Variants in JAM3 observed in about 807,000 individuals in gnomAD.
JAM3 encodes junctional adhesion molecule C.
Under a neutral mutation model 39.4 loss-of-function variants are expected in JAM3, and 31 were observed. The observed-to-expected ratio is 0.79, with a 90% CI of 0.59 to 1.06. JAM3 has a LOEUF of 1.06. Among genes scored for constraint, JAM3 ranks in the 50% least tolerant of loss-of-function variants. The pLI is 0.00. For missense variants in JAM3, 455 were observed against 391.4 expected (o/e 1.16, Z -1.37); for synonymous variants, 182 against 148.7 (o/e 1.22, Z -1.63).
rs145466052 is a variant in JAM3 at position 134,110,870 on chromosome 11, A to G, written c.77-28981A>G. On this transcript the variant is annotated intron_variant, in intron 1 of 8. Coordinates refer to ENST00000299106, the MANE Select transcript of JAM3 (RefSeq NM_032801.5). ...TCAATTATACCTTGATTGTTTTTTT[A>G]AAAGTCCAAAACCAAAAAATTGGGC... 4.6e-5 allele frequency among the ~76,000 whole-genome samples: 7 copies of G among 151,944 alleles called. 1 individual carries two copies. Among genetic ancestry groups the G allele is most frequent in the African/African-American group, 1.7e-4 (7 of 41,302 alleles).
At chr11:134,131,775 G>A (rs1942774239) in intron 1 of JAM3, among the ~76,000 whole-genome samples, 1 of 152,118 alleles carries the variant, frequency 6.6e-6, no homozygotes, top group Non-Finnish European at 1.5e-5. Context: ...AACAAATTTT[G>A]GAACTGAAAA....
chr11:134,082,046 CCT>C (rs1941674636), intron 1 of JAM3, among the ~76,000 whole-genome samples: 1 of 152,170 alleles, frequency 6.6e-6, no homozygotes, highest in Non-Finnish European at 1.5e-5. Flanking sequence ...GCCTATCGCC[CCT>C]TTGTCTTGGC....
intron 1 of JAM3, among the ~76,000 whole-genome samples, chr11:134,125,881 A>G (rs1271410633): frequency 6.6e-6 from 1 of 152,182 alleles, no homozygotes; most frequent in African/African-American, 2.4e-5. Flanking sequence ...GCCTCTTCAG[A>G]AAAAGCACCC....
intron 1 of JAM3, among the ~76,000 whole-genome samples, chr11:134,100,321 G>A (rs1336288027): frequency 1.3e-5 from 2 of 152,142 alleles, no homozygotes; most frequent in African/African-American, 2.4e-5. Context: ...AGTGTTCTTT[G>A]CTGCTTTCCA....
At chr11:134,069,275 T>G (rs1272105082) in intron 1 of JAM3, 116 bp downstream of exon 1, 1 of 1,367,140 alleles carries the variant, frequency 7.3e-7, no homozygotes, top group Non-Finnish European at 1.0e-6. Flanking sequence ...CTCCGAGGGC[T>G]CCCGGGGTCC....
intron 1 of JAM3, among the ~76,000 whole-genome samples, chr11:134,122,124 A>G (rs1416800414): frequency 2.0e-5 from 3 of 152,174 alleles, no homozygotes; most frequent in African/African-American, 7.2e-5. Flanking sequence ...ACAGATTTGT[A>G]TTTAGTTAAA....
At chr11:134,099,738 C>T (rs1942041741) in intron 1 of JAM3, among the ~76,000 whole-genome samples, 1 of 152,152 alleles carries the variant, frequency 6.6e-6, no homozygotes, top group African/African-American at 2.4e-5. Context: ...TCCTGAGTAG[C>T]TGGGATTACA....
intron 1 of JAM3, among the ~76,000 whole-genome samples, chr11:134,077,833 G>A (rs1941598233): frequency 1.3e-5 from 2 of 151,756 alleles, no homozygotes; most frequent in South Asian, 2.1e-4. Flanking sequence ...TGTATTTTTA[G>A]TAGAGACAGT....
At chr11:134,106,812 C>A (rs2120707618) in intron 1 of JAM3, among the ~76,000 whole-genome samples, 1 of 152,260 alleles carries the variant, frequency 6.6e-6, no homozygotes, top group African/African-American at 2.4e-5. Flanking sequence ...GAATTGCGAT[C>A]ATTAAAAAGT....
At chr11:134,149,101 G>A (rs781148244) in intron 8 of JAM3, 45 bp from the exon 9 acceptor site, 1 of 1,612,990 alleles carries the variant, frequency 6.2e-7, no homozygotes, top group Non-Finnish European at 8.5e-7. Context: ...TTCCCTGCTT[G>A]CCACCAGGCC....
At chr11:134,104,020 T>A (rs1942131061) in intron 1 of JAM3, among the ~76,000 whole-genome samples, 1 of 152,204 alleles carries the variant, frequency 6.6e-6, no homozygotes, top group African/African-American at 2.4e-5. Flanking sequence ...AATAGACATC[T>A]ACAGAACTCT....
chr11:134,116,483 A>AT (rs553177220), intron 1 of JAM3, among the ~76,000 whole-genome samples: 4 of 151,990 alleles, frequency 2.6e-5, no homozygotes, highest in Admixed American at 2.6e-4. Flanking sequence ...TAGTATCATA[A>AT]TTTTTTTTCT....
In JAM3 at chr11:134,125,273, T is replaced by G. The variant is rs189552632; in HGVS notation, c.77-14578T>G. Among the ~76,000 whole-genome samples, 491 of 152,338 alleles carry G rather than the reference T, an allele frequency of 3.2e-3. 8 individuals are homozygous for G. Among genetic ancestry groups the G allele is most frequent in the East Asian group, 0.015 (79 of 5,188 alleles). On this transcript the variant is annotated intron_variant, in intron 1 of 8. Coordinates refer to ENST00000299106, the MANE Select transcript of JAM3 (RefSeq NM_032801.5). Reference sequence around the variant, plus strand: ...ATCTTCCCTGGAAGGAAGAGATGGCTGTGTTGAAGATGACGGTGCCAGCTG... The same window carrying G: ...ATCTTCCCTGGAAGGAAGAGATGGCGGTGTTGAAGATGACGGTGCCAGCTG...
intron 1 of JAM3, among the ~76,000 whole-genome samples, chr11:134,074,936 G>A (rs1473186671): frequency 6.6e-6 from 1 of 150,938 alleles, no homozygotes; most frequent in East Asian, 1.9e-4. Context: ...TTAGAATGAA[G>A]TGCAGCTGCC....
At chr11:134,088,305 A>AT (rs1217499027) in intron 1 of JAM3, among the ~76,000 whole-genome samples, 13 of 152,110 alleles carry the variant, frequency 8.5e-5, no homozygotes, top group African/African-American at 3.1e-4. Context: ...ACTTGCTTCC[A>AT]TTTTACCACC....
At chr11:134,139,805 C>T (rs372200694) in intron 1 of JAM3, 46 bp from the exon 2 acceptor site, 27 of 1,475,272 alleles carry the variant, frequency 1.8e-5, no homozygotes, top group Non-Finnish European at 2.5e-5. Flanking sequence ...GTTTCTCTGC[C>T]GTTTGAGATA....
chr11:134,080,519 T>C (rs1941648119), intron 1 of JAM3, among the ~76,000 whole-genome samples: 1 of 152,180 alleles, frequency 6.6e-6, no homozygotes, highest in Non-Finnish European at 1.5e-5. Flanking sequence ...AGTAAGTCTC[T>C]TGAGATCTGA....
chr11:134,082,874 A>G (rs923531982), intron 1 of JAM3, among the ~76,000 whole-genome samples: 3 of 152,194 alleles, frequency 2.0e-5, no homozygotes, highest in Non-Finnish European at 4.4e-5. Flanking sequence ...TAGAGGACAC[A>G]TATTTTTAGA....
In JAM3 at chr11:134,123,833, A is replaced by G. The variant is rs1033460530; in HGVS notation, c.77-16018A>G. On this transcript the variant is annotated intron_variant, in intron 1 of 8. Coordinates refer to ENST00000299106, the MANE Select transcript of JAM3 (RefSeq NM_032801.5). ...TCATTTACATTTCTTTCTACTGAAC[A>G]CAGCAGTGCCCGTTGGTATCTCTGA... 2.2e-5 allele frequency: 17 copies of G among 782,632 alleles called. No homozygotes were observed. In the Admixed American group the frequency reaches 2.7e-4, roughly 13 times the overall value. The allele number at this position is 782,632 out of a possible 1,614,324, so 48.5% of individuals were successfully genotyped here.
Sources: allele counts gnomAD v4.1 joint callset (sites outside exome capture counted in the v4.1 genomes callset), GRCh38; gene constraint gnomAD v4.1.1; transcripts MANE v1.5; gene names NCBI Gene and HGNC (gene_info 2026-07-23, HGNC 2026-07-21).